Variants in EDARADD observed in about 807,000 individuals in gnomAD.
The protein encoded by EDARADD is ectodysplasin-A receptor-associated adapter protein.
EDARADD carries 20 observed loss-of-function variants against 25.6 expected under a neutral mutation model. That is an observed-to-expected ratio of 0.78 (90% CI 0.55 to 1.14). The LOEUF (loss-of-function observed/expected upper bound fraction) is 1.14. EDARADD is among the 50% of genes most tolerant of loss of function. EDARADD has a pLI of 0.00. For synonymous variants in EDARADD, 86 were observed against 94.4 expected, an observed-to-expected ratio of 0.91 and a Z score of 0.52; for missense variants, 225 against 270.1, an observed-to-expected ratio of 0.83 and a Z score of 1.17.
At chr1:236,440,980 GAAATAATT>G (rs367784764) in intron 4 of EDARADD, among the ~76,000 whole-genome samples, 127 of 152,140 alleles carry the variant, frequency 8.3e-4, no homozygotes, top group African/African-American at 2.8e-3. Context: ...TCAAAAGCTA[GAAATAATT>G]AAGTTTAGAG....
chr1:236,471,497 C>T (rs1363959236), intron 5 of EDARADD, among the ~76,000 whole-genome samples: 3 of 151,896 alleles, frequency 2.0e-5, no homozygotes, highest in Non-Finnish European at 4.4e-5. Flanking sequence ...ATGATTATAC[C>T]CCCTTAATAA....
At chr1:236,455,428 C>T (rs1471591127) in intron 4 of EDARADD, among the ~76,000 whole-genome samples, 1 of 152,206 alleles carries the variant, frequency 6.6e-6, no homozygotes, top group African/African-American at 2.4e-5. Context: ...TGCAGGAATC[C>T]CTTCAAGCTC....
chr1:236,466,939 T>C (rs560616011), intron 4 of EDARADD, among the ~76,000 whole-genome samples: 15 of 151,832 alleles, frequency 9.9e-5, no homozygotes, highest in East Asian at 9.7e-4. Context: ...TGGTGGCGGG[T>C]GGCTGTAGTC....
intron 3 of EDARADD, among the ~76,000 whole-genome samples, chr1:236,414,705 A>G (rs1381293853): frequency 6.6e-6 from 1 of 152,054 alleles, no homozygotes; most frequent in African/African-American, 2.4e-5. Flanking sequence ...AGGCCGAGGC[A>G]GGTGGATAGC....
intron 4 of EDARADD, among the ~76,000 whole-genome samples, chr1:236,435,787 TAGAG>T (rs1279657727): frequency 2.0e-5 from 3 of 152,076 alleles, no homozygotes. Flanking sequence ...TTAAAAATAA[TAGAG>T]AGAAGGGGGA....
At chr1:236,405,871 T>C (rs924236650) in intron 1 of EDARADD, among the ~76,000 whole-genome samples, 18 of 59,848 alleles carry the variant, frequency 3.0e-4, no homozygotes, top group African/African-American at 9.8e-4. Flanking sequence ...CCTTCCTTCC[T>C]TCCTTCTTTC....
chr1:236,467,694 A>T (rs1163034084), intron 4 of EDARADD, among the ~76,000 whole-genome samples: 1 of 152,226 alleles, frequency 6.6e-6, no homozygotes, highest in Admixed American at 6.5e-5. Flanking sequence ...AAAAGCAGAT[A>T]AGAAATAAAA....
intron 3 of EDARADD, among the ~76,000 whole-genome samples, chr1:236,361,470 C>G (rs1054153399): frequency 6.7e-6 from 1 of 149,992 alleles, no homozygotes; most frequent in African/African-American, 2.4e-5. Flanking sequence ...ACTGGAATTA[C>G]AGGTGCCCAC....
At chr1:236,408,570 A>C (rs932895184) in intron 1 of EDARADD, among the ~76,000 whole-genome samples, 1 of 151,884 alleles carries the variant, frequency 6.6e-6, no homozygotes, top group African/African-American at 2.4e-5. Context: ...TTTTGTCTCA[A>C]CTAATAATTG....
At chr1:236,358,231 A>G (rs1667005951) in intron 3 of EDARADD, among the ~76,000 whole-genome samples, 1 of 152,214 alleles carries the variant, frequency 6.6e-6, no homozygotes, top group African/African-American at 2.4e-5. Context: ...TGATTTATTC[A>G]GCCCTTTCTG....
At chr1:236,363,010 T>A (rs71642845) in intron 3 of EDARADD, among the ~76,000 whole-genome samples, 5,918 of 67,590 alleles carry the variant, frequency 0.088, 344 homozygotes, top group Non-Finnish European at 0.11. Flanking sequence ...AAAAAAAATA[T>A]ATATATATAT....
At chr1:236,394,052 G>A (rs1667469699), upstream of EDARADD, among the ~76,000 whole-genome samples, 1 of 151,318 alleles carries the variant, frequency 6.6e-6, no homozygotes, top group African/African-American at 2.4e-5. Context: ...ATATAATGCA[G>A]AATGGGAATG....
intron 3 of EDARADD, among the ~76,000 whole-genome samples, chr1:236,385,155 T>C (rs12740716): frequency 0.78 from 114,033 of 145,376 alleles, 45,709 homozygotes; most frequent in South Asian, 0.92. Flanking sequence ...ACGCCTGTAA[T>C]CTCAGCACTT....
chr1:236,399,064 A>G lies in EDARADD; in HGVS notation c.61+4559A>G, dbSNP rs1238866312. ...TGGCATTTTAGGAACTTACTCATCGAGTTAGCCGTATTAACTAAGTTTTCT... is the reference window on the plus strand; with the variant it reads ...TGGCATTTTAGGAACTTACTCATCGGGTTAGCCGTATTAACTAAGTTTTCT... On this transcript the variant is annotated intron_variant, in intron 1 of 5. Coordinates refer to ENST00000334232, the MANE Select transcript of EDARADD (RefSeq NM_145861.4). Among the ~76,000 whole-genome samples, 16 of 152,224 alleles carry G rather than the reference A, an allele frequency of 1.1e-4. 1 individual carries two copies. Among genetic ancestry groups the G allele is most frequent in the Non-Finnish European group, 2.9e-5 (2 of 68,044 alleles).
chr1:236,448,602 T>G (rs111817170), intron 4 of EDARADD, among the ~76,000 whole-genome samples: 2 of 152,174 alleles, frequency 1.3e-5, no homozygotes, highest in Non-Finnish European at 1.5e-5. Context: ...ACATATATGA[T>G]CTATGTGAGG....
At position 236,464,187 on chromosome 1, in the gene EDARADD, C is replaced by T. The variant is rs187276787; in HGVS notation, c.220-4044C>T. 4.3e-3 allele frequency among the ~76,000 whole-genome samples: 647 copies of T among 152,184 alleles called. 3 individuals carry two copies. The highest frequency in any genetic ancestry group is 6.2e-3 in the Non-Finnish European group (420 of 68,010). ...TAGAACGGCTTTCAAAATCGCTGCTCGTCTACTCCTCACCAAATCTTGTCT... is the reference window on the plus strand; with the variant it reads ...TAGAACGGCTTTCAAAATCGCTGCTTGTCTACTCCTCACCAAATCTTGTCT... On this transcript the variant is annotated intron_variant, in intron 4 of 5. Coordinates refer to ENST00000334232, the MANE Select transcript of EDARADD (RefSeq NM_145861.4).
At chr1:236,385,090 T>TTTTTTTTTTTTTTC (rs1553263960) in intron 3 of EDARADD, among the ~76,000 whole-genome samples, 68 of 6,528 alleles carry the variant, frequency 0.01, 1 homozygote, top group African/African-American at 0.015. Flanking sequence ...CTTTTGATTC[T>TTTTTTTTTTTTTTC]TTTTTTTTTT....
intron 3 of EDARADD, among the ~76,000 whole-genome samples, chr1:236,365,479 AT>A (rs1667103384): frequency 6.6e-6 from 1 of 151,958 alleles, no homozygotes. Flanking sequence ...AATTTTTTAT[AT>A]TTTGTAGAGA....
intron 4 of EDARADD, among the ~76,000 whole-genome samples, chr1:236,436,712 A>G (rs1354974748): frequency 6.6e-6 from 1 of 151,968 alleles, no homozygotes; most frequent in Non-Finnish European, 1.5e-5. Flanking sequence ...ATAGAAATAT[A>G]CTTTTTAGAT....
Sources: allele counts gnomAD v4.1 joint callset (sites outside exome capture counted in the v4.1 genomes callset), GRCh38; gene constraint gnomAD v4.1.1; transcripts MANE v1.5; gene names NCBI Gene and HGNC (gene_info 2026-07-23, HGNC 2026-07-21).